The following ARHGEF10 variants were observed in gnomAD, a reference collection of about 807,000 sequenced individuals.
The protein encoded by ARHGEF10 is Rho guanine nucleotide exchange factor (GEF) 10.
Under a neutral mutation model 147.4 loss-of-function variants are expected in ARHGEF10, and 140 were observed. The observed-to-expected ratio is 0.95, with a 90% CI of 0.83 to 1.09. ARHGEF10 has a LOEUF of 1.09. Ranked by LOEUF, ARHGEF10 falls within the 50% of genes least tolerant of loss-of-function variation. The pLI, the probability that ARHGEF10 is intolerant of heterozygous loss-of-function variation, is 0.00. For missense variants in ARHGEF10, 2,222 were observed against 1,752.7 expected (o/e 1.27, Z -4.78); for synonymous variants, 902 against 695.8 (o/e 1.30, Z -4.67).
intron 1 of ARHGEF10, among the ~76,000 whole-genome samples, chr8:1,834,735 C>T (rs1339564384): frequency 6.6e-6 from 1 of 152,250 alleles, no homozygotes; most frequent in Non-Finnish European, 1.5e-5. Flanking sequence ...CTGCCGTAGA[C>T]TTTGCGTCCT....
chr8:1,828,759 C>T (rs1288149048), intron 1 of ARHGEF10, among the ~76,000 whole-genome samples: 1 of 148,852 alleles, frequency 6.7e-6, no homozygotes, highest in Non-Finnish European at 1.5e-5. Context: ...TTTGATAAAC[C>T]GTGGCATGCA....
chr8:1,902,616 A>C (rs1259038127), intron 15 of ARHGEF10, among the ~76,000 whole-genome samples: 1 of 149,556 alleles, frequency 6.7e-6, no homozygotes, highest in Non-Finnish European at 1.5e-5. Flanking sequence ...CTCCCCCCAC[A>C]TCTCCACCAG....
chr8:1,853,430 T>C (rs956542216), intron 2 of ARHGEF10, among the ~76,000 whole-genome samples: 3 of 152,256 alleles, frequency 2.0e-5, no homozygotes, highest in Admixed American at 6.5e-5. Flanking sequence ...CGTCTCAAAC[T>C]ACAACACGTT....
chr8:1,828,103 T>C (rs1233230252), intron 1 of ARHGEF10, among the ~76,000 whole-genome samples: 1 of 152,248 alleles, frequency 6.6e-6, no homozygotes, highest in African/African-American at 2.4e-5. Flanking sequence ...CTCAACACTC[T>C]GCCTCCACTG....
At chr8:1,857,425 T>TC (rs952138073) in intron 2 of ARHGEF10, among the ~76,000 whole-genome samples, 5 of 150,202 alleles carry the variant, frequency 3.3e-5, no homozygotes, top group African/African-American at 1.2e-4. Flanking sequence ...TTCTTTTCTT[T>TC]TTTTTTTTTT....
intron 2 of ARHGEF10, among the ~76,000 whole-genome samples, chr8:1,853,418 G>T (rs1342526972): frequency 6.6e-6 from 1 of 152,262 alleles, no homozygotes; most frequent in African/African-American, 2.4e-5. Context: ...AAAGATCCAT[G>T]TCGTCTCAAA....
chr8:1,922,927 T>G, intron 18 of ARHGEF10, 37 bp from the exon 19 acceptor site: 1 of 1,454,822 alleles, frequency 6.9e-7, no homozygotes, highest in Non-Finnish European at 9.6e-7. Flanking sequence ...TGGCTTTACC[T>G]TTGTATTCTT....
At position 1,839,372 on chromosome 8, in the gene ARHGEF10, GAA is replaced by G. The variant is rs1292031725; in HGVS notation, c.-47-3980_-47-3979del. ...TCTGGTGTGGGGACTGTCTGGTGTG[GAA>G]GCTGTCTGGTGTGGGACTGTCTGCT... On this transcript the variant is annotated intron_variant, in intron 1 of 28. Coordinates refer to ENST00000349830, the MANE Select transcript of ARHGEF10 (RefSeq NM_014629.4). 1.4e-3 allele frequency among the ~76,000 whole-genome samples: 210 copies of G among 146,220 alleles called. 2 individuals carry two copies. The highest frequency in any genetic ancestry group is 4.6e-3 in the African/African-American group (177 of 38,284).
intron 2 of ARHGEF10, among the ~76,000 whole-genome samples, chr8:1,851,869 G>C (rs1433550185): frequency 6.6e-6 from 1 of 151,604 alleles, no homozygotes; most frequent in East Asian, 2.0e-4. Context: ...AGCTGCGATC[G>C]CAATACTGCA....
intron 25 of ARHGEF10, among the ~76,000 whole-genome samples, chr8:1,929,645 A>T (rs1812962099): frequency 6.6e-6 from 1 of 151,870 alleles, no homozygotes; most frequent in African/African-American, 2.4e-5. Flanking sequence ...GACATCTTTC[A>T]GAAGTCAGTC....
rs534883024 is a variant in ARHGEF10 at position 1,916,623 on chromosome 8, C to A, written c.2144-6341C>A. 4.3e-4 allele frequency among the ~76,000 whole-genome samples: 65 copies of A among 152,226 alleles called. 3 individuals are homozygous for A. The South Asian group carries it at 0.013, about 31-fold the overall frequency. On this transcript the variant is annotated intron_variant, in intron 18 of 28. Coordinates refer to ENST00000349830, the MANE Select transcript of ARHGEF10 (RefSeq NM_014629.4). ...CCAGAACCACATAGGATTTATTTTG[C>A]CTGAATATAGCTGGGATCACTACTG...
At chr8:1,907,662 A>C (rs1176423183) in intron 17 of ARHGEF10, among the ~76,000 whole-genome samples, 1 of 152,186 alleles carries the variant, frequency 6.6e-6, no homozygotes, top group Non-Finnish European at 1.5e-5. Flanking sequence ...GGATACTTTA[A>C]AAGTAACTCA....
intron 26 of ARHGEF10, among the ~76,000 whole-genome samples, chr8:1,936,805 C>A (rs551807581): frequency 3.3e-5 from 5 of 152,192 alleles, no homozygotes; most frequent in Non-Finnish European, 7.3e-5. Flanking sequence ...TAGGCTGCAT[C>A]CTCTGTCATC....
Position 1,922,944 on chromosome 8 carries a change from T to C in ARHGEF10, c.2144-20T>C. 1 of 1,542,086 alleles carries C rather than the reference T, an allele frequency of 6.5e-7. No homozygotes were observed. On this transcript the variant is annotated intron_variant, in intron 18 of 28. Transcript: ENST00000349830. The stretch of plus-strand genomic sequence containing the variant: ...GCTTTACCTTTGTATTCTTTTTTTT[T>C]CTTTTTGCTTATTTTGTAGACAAAG...
At chr8:1,891,172 A>G (rs1416665871) in intron 11 of ARHGEF10, among the ~76,000 whole-genome samples, 2 of 152,188 alleles carry the variant, frequency 1.3e-5, no homozygotes, top group Non-Finnish European at 2.9e-5. Flanking sequence ...TTACGATTAG[A>G]AACTTAGCAG....
intron 16 of ARHGEF10, among the ~76,000 whole-genome samples, chr8:1,905,059 G>A (rs1461355954): frequency 6.6e-6 from 1 of 152,200 alleles, no homozygotes; most frequent in Admixed American, 6.5e-5. Flanking sequence ...AACCCAGGAG[G>A]TGGAGGTTGC....
chr8:1,917,617 C>T (rs1005668131), intron 18 of ARHGEF10, among the ~76,000 whole-genome samples: 4 of 152,162 alleles, frequency 2.6e-5, no homozygotes, highest in South Asian at 2.1e-4. Context: ...GAGAAAGACT[C>T]GGGAAGTGCT....
rs937444404 is a variant in ARHGEF10 at position 1,882,713 on chromosome 8, C to T, written c.1039C>T (p.Arg347Cys). The change falls in exon 10 of 29, where the codon CGC becomes TGC. Residue 347 changes from arginine to cysteine, a missense_variant. Coordinates refer to ENST00000349830, the MANE Select transcript of ARHGEF10 (RefSeq NM_014629.4). ...GACCAGGGCAGCCGTGAAGAGGGGC[C>T]GCTCCTTCATCAGGACCAAGTCTCT... ...ERTRAAVKRG[R>C]SFIRTKSLIA... is the part of the protein sequence containing the mutation. 4 of 1,555,592 alleles carry T rather than the reference C, an allele frequency of 2.6e-6. No individual in the cohort carries two copies. Among genetic ancestry groups the T allele is most frequent in the Admixed American group, 1.9e-5 (1 of 51,552 alleles).
chr8:1,866,564 G>C lies in ARHGEF10; in HGVS notation c.584G>C (p.Arg195Pro), dbSNP rs376450525. The C allele has an allele frequency of 6.2e-7, 1 of 1,608,800 alleles. No homozygotes were observed. Among genetic ancestry groups the C allele is most frequent in the Non-Finnish European group, 8.5e-7 (1 of 1,179,960 alleles). ...QVGREDSALA[R>P]WAADPANTAW... Reference sequence around the variant, plus strand: ...GGTCGAGAGGACAGCGCACTTGCCCGCTGGGCCGCAGACCCGGCCAACACA... The same window carrying C: ...GGTCGAGAGGACAGCGCACTTGCCCCCTGGGCCGCAGACCCGGCCAACACA... The change falls in exon 6 of 29, where the codon CGC (arginine) becomes CCC (proline). Residue 195 changes from arginine (R) to proline (P), a missense_variant. Transcript: ENST00000349830.
Sources: allele counts gnomAD v4.1 joint callset (sites outside exome capture counted in the v4.1 genomes callset), GRCh38; gene constraint gnomAD v4.1.1; transcripts MANE v1.5; gene names NCBI Gene and HGNC (gene_info 2026-07-23, HGNC 2026-07-21).